The following MAP2K5 variants were observed in gnomAD, a reference collection of about 807,000 sequenced individuals.
MAP2K5 encodes mitogen-activated protein kinase kinase 5, also known as dual specificity mitogen-activated protein kinase kinase 5.
MAP2K5 carries 49 observed loss-of-function variants against 83.1 expected under a neutral mutation model. The ratio of observed to expected loss-of-function variants is 0.59; its 90% CI spans 0.47 to 0.75. MAP2K5 has a LOEUF of 0.75. MAP2K5 is among the 30% of genes least tolerant of loss of function. The probability of loss-of-function intolerance (pLI) is 0.00; values close to 1 mark genes in which losing one functional copy is unlikely to be tolerated. For synonymous variants in MAP2K5, 202 were observed against 191.8 expected (o/e 1.05, Z -0.44); for missense variants, 457 against 557.5 (o/e 0.82, Z 1.82).
intron 11 of MAP2K5, among the ~76,000 whole-genome samples, chr15:67,647,259 C>T (rs1048880719): frequency 6.6e-6 from 1 of 152,148 alleles, no homozygotes; most frequent in African/African-American, 2.4e-5. Flanking sequence ...TTGATACTGT[C>T]ATAAGGTGTA....
intron 4 of MAP2K5, among the ~76,000 whole-genome samples, chr15:67,585,052 C>T (rs973791881): frequency 3.2e-5 from 4 of 124,528 alleles, no homozygotes; most frequent in South Asian, 2.7e-4. Flanking sequence ...AACAGGAAAA[C>T]GACATGTACA....
Position 67,720,236 on chromosome 15 carries a change from A to G in MAP2K5, c.1045-7680A>G, listed in dbSNP as rs1482764823. Among the ~76,000 whole-genome samples the G allele has an allele frequency of 6.6e-6, 1 of 152,196 alleles. No individual in the cohort carries two copies. Among genetic ancestry groups the G allele is most frequent in the Non-Finnish European group, 1.5e-5 (1 of 68,030 alleles). On this transcript the variant is annotated intron_variant, in intron 16 of 21. Transcript: ENST00000178640. This position sits in a 1 kb window ranked among gnomAD's most constrained non-coding sequence, Gnocchi z 5.7. ...TATAGACAGATTAATATACACATACACAAACATAAACACACGCATATATAT... is the reference window on the plus strand; with the variant it reads ...TATAGACAGATTAATATACACATACGCAAACATAAACACACGCATATATAT...
At chr15:67,685,438 A>C (rs2141191088) in intron 13 of MAP2K5, among the ~76,000 whole-genome samples, 1 of 152,320 alleles carries the variant, frequency 6.6e-6, no homozygotes, top group South Asian at 2.1e-4. Flanking sequence ...CATTACAAAA[A>C]AATGTTAAGC....
At chr15:67,763,565 G>A (rs1026786443) in intron 19 of MAP2K5, among the ~76,000 whole-genome samples, 3 of 152,138 alleles carry the variant, frequency 2.0e-5, no homozygotes, top group Non-Finnish European at 4.4e-5. Context: ...ACCTTGGACA[G>A]GTTGTTTTTG....
At chr15:67,602,306 G>C (rs2085676391) in intron 8 of MAP2K5, among the ~76,000 whole-genome samples, 1 of 152,180 alleles carries the variant, frequency 6.6e-6, no homozygotes, top group Non-Finnish European at 1.5e-5. Context: ...CTTCTATTGA[G>C]TTCCCTGGAG....
At chr15:67,740,184 A>C (rs770447609) in intron 17 of MAP2K5, among the ~76,000 whole-genome samples, 1 of 152,210 alleles carries the variant, frequency 6.6e-6, no homozygotes, top group Non-Finnish European at 1.5e-5. Flanking sequence ...ATTGTATTCT[A>C]TCCATCTTTT....
intron 8 of MAP2K5, among the ~76,000 whole-genome samples, chr15:67,620,142 G>A (rs763386231): frequency 5.9e-5 from 9 of 152,164 alleles, no homozygotes; most frequent in African/African-American, 1.4e-4. Context: ...AGGTTGAGGC[G>A]GGTAGATCAC....
intron 1 of MAP2K5, among the ~76,000 whole-genome samples, chr15:67,544,330 T>C (rs2084352287): frequency 6.6e-6 from 1 of 152,240 alleles, no homozygotes; most frequent in African/African-American, 2.4e-5. Context: ...ATGTGCATCT[T>C]AGAATTGGTG....
At chr15:67,606,752 T>C (rs1408262291) in intron 8 of MAP2K5, among the ~76,000 whole-genome samples, 1 of 152,202 alleles carries the variant, frequency 6.6e-6, no homozygotes, top group African/African-American at 2.4e-5. Flanking sequence ...ATTTATTTAA[T>C]GAAAATTAGA....
intron 20 of MAP2K5, 111 bp from the exon 21 acceptor site, chr15:67,772,596 A>T: frequency 1.6e-6 from 1 of 617,604 alleles, no homozygotes; most frequent in African/African-American, 1.9e-5. Context: ...ATTGAACATG[A>T]TGTATTTTGA....
chr15:67,678,538 A>T (rs960766945), intron 13 of MAP2K5, among the ~76,000 whole-genome samples: 2 of 152,280 alleles, frequency 1.3e-5, no homozygotes, highest in Non-Finnish European at 2.9e-5. Flanking sequence ...AAAAGGAAGT[A>T]GAAGTTGGAG....
intron 9 of MAP2K5, among the ~76,000 whole-genome samples, chr15:67,645,571 A>G (rs570204771): frequency 6.6e-6 from 1 of 152,252 alleles, no homozygotes; most frequent in Admixed American, 6.5e-5. Flanking sequence ...CTTTTTTTTA[A>G]GAGACAGGAT....
At chr15:67,615,416 CT>C (rs796666700) in intron 8 of MAP2K5, among the ~76,000 whole-genome samples, 1 of 152,178 alleles carries the variant, frequency 6.6e-6, no homozygotes, top group Non-Finnish European at 1.5e-5. Context: ...ATAAAAGCTT[CT>C]TTTTACAACT....
At position 67,779,759 on chromosome 15, in the gene MAP2K5, C is replaced by T. The variant is rs1329245507; in HGVS notation, c.1242+7007C>T. Among the ~76,000 whole-genome samples, 1 of 152,150 alleles carries T rather than the reference C, an allele frequency of 6.6e-6. No homozygotes were observed. The highest frequency in any genetic ancestry group is 2.4e-5 in the African/African-American group (1 of 41,442). On this transcript the variant is annotated intron_variant, in intron 21 of 21. Coordinates refer to ENST00000178640, the MANE Select transcript of MAP2K5 (RefSeq NM_145160.3). The surrounding 1 kb of genome is among the most constrained non-coding windows in gnomAD (Gnocchi z 4.6). Reference sequence around the variant, plus strand: ...ATCTTCCTAGTATCTTGTTTCAAGGCACAGTGAAGCTGTGTAGCATTCATT... The same window carrying T: ...ATCTTCCTAGTATCTTGTTTCAAGGTACAGTGAAGCTGTGTAGCATTCATT...
In MAP2K5 at chr15:67,717,753, G is replaced by A. The variant is rs547595190; in HGVS notation, c.1045-10163G>A. Among the ~76,000 whole-genome samples the A allele has an allele frequency of 6.6e-5, 10 of 152,244 alleles. No homozygotes were observed. The highest frequency in any genetic ancestry group is 1.9e-4 in the African/African-American group (8 of 41,544). ...CGTGTATGATGCTTTGGTGGGGATGGCCAGGAGTGGCTGGGACCCTCCTCT... is the reference window on the plus strand; with the variant it reads ...CGTGTATGATGCTTTGGTGGGGATGACCAGGAGTGGCTGGGACCCTCCTCT... On this transcript the variant is annotated intron_variant, in intron 16 of 21. Coordinates refer to ENST00000178640, the MANE Select transcript of MAP2K5 (RefSeq NM_145160.3). This position sits in a 1 kb window ranked among gnomAD's most constrained non-coding sequence, Gnocchi z 4.1.
intron 4 of MAP2K5, among the ~76,000 whole-genome samples, chr15:67,584,075 C>T (rs2085241023): frequency 6.6e-6 from 1 of 152,122 alleles, no homozygotes; most frequent in South Asian, 2.1e-4. Context: ...AACATGTTCT[C>T]CTCATTCCAA....
At chr15:67,674,965 G>A (rs1366943585) in intron 13 of MAP2K5, among the ~76,000 whole-genome samples, 1 of 152,134 alleles carries the variant, frequency 6.6e-6, no homozygotes, top group African/African-American at 2.4e-5. Context: ...AAATGAGGAT[G>A]CAGAAAATTG....
At chr15:67,689,217 C>T (rs1430827795) in intron 13 of MAP2K5, among the ~76,000 whole-genome samples, 1 of 152,218 alleles carries the variant, frequency 6.6e-6, no homozygotes, top group Non-Finnish European at 1.5e-5. Context: ...TAGCAAGACC[C>T]TGTCTCTGAA....
intron 7 of MAP2K5, 76 bp from the exon 8 acceptor site, chr15:67,600,609 G>C: frequency 3.6e-6 from 4 of 1,117,584 alleles, no homozygotes; most frequent in Non-Finnish European, 5.3e-6. Flanking sequence ...TGTTGTTTAT[G>C]GCCCAGAGTT....
Sources: gnomAD v4.1 joint callset for allele counts (sites outside exome capture counted in the v4.1 genomes callset) on GRCh38, gnomAD v4.1.1 for gene constraint, Gnocchi (gnomAD v3.1) non-coding constraint, MANE v1.5 for transcripts, NCBI Gene and HGNC (gene_info 2026-07-23, HGNC 2026-07-21) for gene names.